The following PACS1 variants were observed in gnomAD, a reference collection of about 807,000 sequenced individuals.
The protein encoded by PACS1 is phosphofurin acidic cluster sorting protein 1, also known as PACS-1.
PACS1 carries 24 observed loss-of-function variants against 115.0 expected under a neutral mutation model. That is an observed-to-expected ratio of 0.21 (90% CI 0.15 to 0.29). The LOEUF (loss-of-function observed/expected upper bound fraction) is 0.29, where lower values mean the gene tolerates loss of function less well. Among genes scored for constraint, PACS1 ranks in the 10% least tolerant of loss-of-function variants. The pLI, the probability that PACS1 is intolerant of heterozygous loss-of-function variation, is 1.00. For missense variants in PACS1, 838 were observed against 1,251.2 expected (o/e 0.67, Z 4.98); for synonymous variants, 453 against 504.5 (o/e 0.90, Z 1.37).
chr11:66,144,515 AT>A (rs1859074060), intron 1 of PACS1, among the ~76,000 whole-genome samples: 1 of 152,188 alleles, frequency 6.6e-6, no homozygotes, highest in Non-Finnish European at 1.5e-5. Flanking sequence ...ACAGGCATTT[AT>A]TTGGTTTATT....
intron 4 of PACS1, among the ~76,000 whole-genome samples, chr11:66,212,192 C>A (rs1239682424): frequency 6.6e-6 from 1 of 151,214 alleles, no homozygotes; most frequent in Non-Finnish European, 1.5e-5. Flanking sequence ...AGTGCAGTGG[C>A]ATGATCTTGG....
At chr11:66,124,129 A>G (rs1055398701) in intron 1 of PACS1, among the ~76,000 whole-genome samples, 5 of 152,236 alleles carry the variant, frequency 3.3e-5, no homozygotes, top group Admixed American at 3.3e-4. Context: ...GAAGACAAAT[A>G]TTTAATCTCA....
chr11:66,175,630 G>A (rs1859839672), intron 1 of PACS1, among the ~76,000 whole-genome samples: 1 of 152,206 alleles, frequency 6.6e-6, no homozygotes, highest in Non-Finnish European at 1.5e-5. Flanking sequence ...ATCAGTCCCA[G>A]TGGCCTTTAG....
chr11:66,099,464 T>C (rs998143862), intron 1 of PACS1, among the ~76,000 whole-genome samples: 6 of 152,132 alleles, frequency 3.9e-5, no homozygotes, highest in Non-Finnish European at 7.4e-5. Context: ...GACCTCGTGA[T>C]CCACCCTCCT....
At chr11:66,180,831 T>A (rs1024385447) in intron 1 of PACS1, among the ~76,000 whole-genome samples, 5 of 152,082 alleles carry the variant, frequency 3.3e-5, no homozygotes, top group South Asian at 4.1e-4. Flanking sequence ...ACAGATTTTT[T>A]AATTTTTTGT....
chr11:66,090,005 CAA>C (rs33912143), intron 1 of PACS1, among the ~76,000 whole-genome samples: 1 of 80,592 alleles, frequency 1.2e-5, no homozygotes. Flanking sequence ...GACTCCATCT[CAA>C]AAAAAAAAAA....
chr11:66,219,558 C>A, intron 7 of PACS1, 188 bp from the exon 8 acceptor site: 1 of 698,060 alleles, frequency 1.4e-6, no homozygotes, highest in Admixed American at 2.0e-5. Context: ...CACCCAAGGC[C>A]CAGGAGCTAC....
chr11:66,137,712 CT>C (rs2134588547), intron 1 of PACS1, among the ~76,000 whole-genome samples: 1 of 152,252 alleles, frequency 6.6e-6, no homozygotes, highest in South Asian at 2.1e-4. Context: ...TAGGGCTGTC[CT>C]TTGGACTCCA....
At chr11:66,143,634 G>T (rs1859052917) in intron 1 of PACS1, among the ~76,000 whole-genome samples, 1 of 152,062 alleles carries the variant, frequency 6.6e-6, no homozygotes, top group African/African-American at 2.4e-5. Context: ...ATTTGCTGTT[G>T]AAGACCTTCT....
chr11:66,232,145 A>G, intron 13 of PACS1, 27 bp from the exon 14 acceptor site: 2 of 1,504,824 alleles, frequency 1.3e-6, no homozygotes, highest in Non-Finnish European at 1.9e-6. Context: ...ACTCCCTAAC[A>G]AGAGACACTT....
At position 66,070,483 on chromosome 11, in the gene PACS1, G is replaced by A. The variant is rs1857287375; in HGVS notation, c.-4G>A. The A allele has an allele frequency of 7.8e-7, 1 of 1,282,700 alleles. No homozygotes were observed. Among genetic ancestry groups the A allele is most frequent in the Admixed American group, 4.3e-5 (1 of 23,354 alleles). The allele number at this position is 1,282,700 out of a possible 1,614,324, so 79.5% of individuals were successfully genotyped here. A position where few individuals can be genotyped will look rare whatever the true frequency, so the allele number is the denominator to read the frequency against. ...GGCCTCCGTAACCCCCGCCTAGCCGGGCCATGGCGGAACGCGGAGGGGCGG... is the reference window on the plus strand; with the variant it reads ...GGCCTCCGTAACCCCCGCCTAGCCGAGCCATGGCGGAACGCGGAGGGGCGG... On this transcript the variant is annotated 5_prime_UTR_variant, in exon 1 of 24. Transcript: ENST00000320580. The surrounding 1 kb of genome is among the most constrained non-coding windows in gnomAD (Gnocchi z 5.9).
At chr11:66,097,202 C>T (rs1857805541) in intron 1 of PACS1, among the ~76,000 whole-genome samples, 1 of 152,078 alleles carries the variant, frequency 6.6e-6, no homozygotes, top group South Asian at 2.1e-4. Flanking sequence ...AGTCCTGTGC[C>T]CTTGGGTGCA....
At chr11:66,225,716 G>C (rs952048895) in intron 10 of PACS1, among the ~76,000 whole-genome samples, 2 of 152,124 alleles carry the variant, frequency 1.3e-5, no homozygotes, top group Non-Finnish European at 2.9e-5. Flanking sequence ...TAACAACAAG[G>C]CGTGCTACTT....
chr11:66,217,100 T>C (rs1855231380), intron 7 of PACS1: 1 of 378,720 alleles, frequency 2.6e-6, no homozygotes, highest in Non-Finnish European at 4.9e-6. Context: ...CTGCTTCATG[T>C]CACATGCTGT....
Position 66,230,790 on chromosome 11 carries a change from C to T in PACS1, c.1491-15C>T. 1.2e-6 allele frequency: 2 copies of T among 1,613,994 alleles called. No homozygotes were observed. The highest frequency in any genetic ancestry group is 1.7e-6 in the Non-Finnish European group (2 of 1,179,908). On this transcript the variant is annotated splice_polypyrimidine_tract_variant and intron_variant, in intron 12 of 23. Transcript: ENST00000320580. Reference sequence around the variant, plus strand: ...GAGGGGCTATTTCACCAGCCTTTTTCCACCTCCCTGGCAGCAAAGTGGAGG... The same window carrying T: ...GAGGGGCTATTTCACCAGCCTTTTTTCACCTCCCTGGCAGCAAAGTGGAGG...
chr11:66,223,173 A>G (rs181217915), intron 10 of PACS1, among the ~76,000 whole-genome samples: 51 of 151,864 alleles, frequency 3.4e-4, no homozygotes, highest in Non-Finnish European at 3.1e-4. Flanking sequence ...GCTCACTGCA[A>G]CTTTCACCTC....
intron 1 of PACS1, among the ~76,000 whole-genome samples, chr11:66,079,000 C>T (rs990025612): frequency 3.3e-5 from 5 of 152,014 alleles, no homozygotes; most frequent in Non-Finnish European, 5.9e-5. Flanking sequence ...CTCTGTCTCC[C>T]GGGTTCAAGT....
intron 2 of PACS1, among the ~76,000 whole-genome samples, chr11:66,199,633 G>A (rs926110282): frequency 6.6e-6 from 1 of 152,120 alleles, no homozygotes; most frequent in Non-Finnish European, 1.5e-5. Context: ...ATAACAAAAT[G>A]GCAATAGTAA....
intron 2 of PACS1, among the ~76,000 whole-genome samples, chr11:66,196,417 G>T (rs978354730): frequency 2.0e-5 from 3 of 152,204 alleles, no homozygotes; most frequent in African/African-American, 7.2e-5. Context: ...CCTGTGTGAG[G>T]TGGAGCTACT....
Sources: gnomAD v4.1 joint callset for allele counts (sites outside exome capture counted in the v4.1 genomes callset) on GRCh38, gnomAD v4.1.1 for gene constraint, Gnocchi (gnomAD v3.1) non-coding constraint, MANE v1.5 for transcripts, NCBI Gene and HGNC (gene_info 2026-07-23, HGNC 2026-07-21) for gene names.